The following DYM variants were observed in gnomAD, a reference collection of about 807,000 sequenced individuals.
DYM encodes dyggve-Melchior-Clausen syndrome protein.
A neutral mutation model predicts 93.1 loss-of-function variants in DYM; 78 were observed. That is an observed-to-expected ratio of 0.84 (90% confidence interval 0.70 to 1.01). DYM has a LOEUF of 1.01. Among genes scored for constraint, DYM ranks in the 50% least tolerant of loss-of-function variants. DYM has a pLI of 0.00. For synonymous variants in DYM, 321 were observed against 319.7 expected, an observed-to-expected ratio of 1.00 and a Z score of -0.04; for missense variants, 789 against 845.0, an observed-to-expected ratio of 0.93 and a Z score of 0.82.
At chr18:49,208,962 C>G (rs2092654997) in intron 14 of DYM, among the ~76,000 whole-genome samples, 1 of 152,180 alleles carries the variant, frequency 6.6e-6, no homozygotes, top group Non-Finnish European at 1.5e-5. Context: ...CTTTCTTACT[C>G]CACTGACCCC....
chr18:49,306,084 C>T (rs1417409423), intron 8 of DYM, among the ~76,000 whole-genome samples: 3 of 152,020 alleles, frequency 2.0e-5, no homozygotes, highest in Admixed American at 6.6e-5. Context: ...GATTAGTGGA[C>T]TGAAAGATAA....
intron 16 of DYM, among the ~76,000 whole-genome samples, chr18:49,118,074 A>G (rs9961545): frequency 1.1e-3 from 130 of 117,718 alleles, no homozygotes; most frequent in African/African-American, 4.2e-3. Flanking sequence ...CAATGGTGTG[A>G]TCTCGGCTCA....
intron 7 of DYM, among the ~76,000 whole-genome samples, chr18:49,333,469 G>T (rs1372506146): frequency 6.6e-6 from 1 of 152,198 alleles, no homozygotes; most frequent in African/African-American, 2.4e-5. Flanking sequence ...GGAAGAAAAA[G>T]ATGATTTCAA....
chr18:49,159,233 T>C (rs2086809665), intron 15 of DYM, among the ~76,000 whole-genome samples: 1 of 152,176 alleles, frequency 6.6e-6, no homozygotes, highest in African/African-American at 2.4e-5. Flanking sequence ...GAATTTGAGA[T>C]CTAAGTTAAA....
At chr18:49,282,280 A>G (rs2145750679) in intron 9 of DYM, 105 bp from the exon 10 acceptor site, 2 of 1,130,038 alleles carry the variant, frequency 1.8e-6, no homozygotes, top group Non-Finnish European at 2.6e-6. Context: ...AATTTTATGG[A>G]AAGTCACTAC....
At chr18:49,289,408 A>T (rs1944339832) in intron 8 of DYM, among the ~76,000 whole-genome samples, 2 of 91,176 alleles carry the variant, frequency 2.2e-5, no homozygotes, top group South Asian at 4.3e-4. Context: ...AATCAGTAAA[A>T]AAAAAAAAAA....
chr18:49,433,697 G>A (rs533581862), intron 1 of DYM, among the ~76,000 whole-genome samples: 4 of 152,096 alleles, frequency 2.6e-5, no homozygotes, highest in East Asian at 3.9e-4. Flanking sequence ...GTGAAAACCC[G>A]TCTCTACTAA....
At chr18:49,260,601 G>T (rs1015259736) in intron 11 of DYM, among the ~76,000 whole-genome samples, 1 of 152,138 alleles carries the variant, frequency 6.6e-6, no homozygotes, top group Admixed American at 6.5e-5. Flanking sequence ...ATTCTCGCAA[G>T]ATTAATGAAT....
At chr18:49,316,532 A>G (rs916805988) in intron 8 of DYM, among the ~76,000 whole-genome samples, 1 of 152,208 alleles carries the variant, frequency 6.6e-6, no homozygotes, top group Admixed American at 6.5e-5. Flanking sequence ...TGCACATAAG[A>G]TGCAATTTAA....
intron 14 of DYM, among the ~76,000 whole-genome samples, chr18:49,197,616 A>T (rs1246735117): frequency 6.6e-6 from 1 of 152,204 alleles, no homozygotes. Context: ...ATCATGAGTG[A>T]ACTCCCATTC....
chr18:49,065,780 T>C (rs776563233), intron 17 of DYM, among the ~76,000 whole-genome samples: 10 of 152,110 alleles, frequency 6.6e-5, no homozygotes, highest in Non-Finnish European at 1.3e-4. Context: ...TCCAAACATA[T>C]AACAACTATG....
chr18:49,244,941 C>A (rs142098421), intron 13 of DYM, among the ~76,000 whole-genome samples: 17 of 152,256 alleles, frequency 1.1e-4, no homozygotes, highest in African/African-American at 3.9e-4. Context: ...AAATCAGGGA[C>A]CCGGAACAGA....
At chr18:49,112,991 ACT>A (rs753278597) in intron 16 of DYM, among the ~76,000 whole-genome samples, 2 of 147,776 alleles carry the variant, frequency 1.4e-5, no homozygotes, top group African/African-American at 2.5e-5. Context: ...CTCCTTTCTT[ACT>A]CTTTTTTTTT....
At chr18:49,127,241 G>T (rs796792807) in intron 15 of DYM, among the ~76,000 whole-genome samples, 1 of 152,110 alleles carries the variant, frequency 6.6e-6, no homozygotes, top group South Asian at 2.1e-4. Flanking sequence ...GTAAAAACAA[G>T]AAAATGATCC....
chr18:49,428,761 G>A (rs1421993478), intron 2 of DYM, among the ~76,000 whole-genome samples: 1 of 152,066 alleles, frequency 6.6e-6, no homozygotes, highest in Non-Finnish European at 1.5e-5. Flanking sequence ...ATAGGGCATG[G>A]GATGGTTCCT....
At chr18:49,421,319 C>G (rs372553227) in intron 2 of DYM, among the ~76,000 whole-genome samples, 4 of 152,272 alleles carry the variant, frequency 2.6e-5, no homozygotes, top group African/African-American at 4.8e-5. Flanking sequence ...AACAATCAGG[C>G]AGCAACATTT....
At chr18:49,080,539 C>G (rs1204699029) in intron 17 of DYM, among the ~76,000 whole-genome samples, 202 of 94,616 alleles carry the variant, frequency 2.1e-3, no homozygotes, top group Middle Eastern at 0.017. Context: ...TAGGGGCGGC[C>G]GGGCAGAGGC....
intron 2 of DYM, among the ~76,000 whole-genome samples, chr18:49,394,507 A>C (rs570674891): frequency 7.9e-5 from 12 of 152,240 alleles, no homozygotes; most frequent in African/African-American, 2.6e-4. Context: ...TGCTTTGGCT[A>C]TTCTGGGTCT....
intron 13 of DYM, among the ~76,000 whole-genome samples, chr18:49,223,154 C>G (rs770088141): frequency 6.6e-6 from 1 of 152,024 alleles, no homozygotes; most frequent in African/African-American, 2.4e-5. Context: ...CAGGAAGATG[C>G]AAACAAACAA....
Sources: allele counts gnomAD v4.1 joint callset (sites outside exome capture counted in the v4.1 genomes callset), GRCh38; gene constraint gnomAD v4.1.1; transcripts MANE v1.5; gene names NCBI Gene and HGNC (gene_info 2026-07-23, HGNC 2026-07-21).